The following TNS3 variants were observed in gnomAD, a reference collection of about 807,000 sequenced individuals.
TNS3 encodes tensin 3.
TNS3 carries 45 observed loss-of-function variants against 140.9 expected under a neutral mutation model. The ratio of observed to expected loss-of-function variants is 0.32; its 90% CI spans 0.25 to 0.41. The LOEUF is 0.41. TNS3 is among the 10% of genes least tolerant of loss of function. The pLI is 1.00. For missense variants in TNS3, 1,716 were observed against 1,906.7 expected (o/e 0.90, Z 1.86); for synonymous variants, 815 against 788.4 (o/e 1.03, Z -0.56).
chr7:47,408,236 T>C (rs940863), intron 13 of TNS3, among the ~76,000 whole-genome samples: 150,819 of 152,226 alleles, frequency 0.99, 74,721 homozygotes, highest in Middle Eastern at 1. Context: ...GGCCCCTCTC[T>C]GCCCTGCCCC....
chr7:47,360,713 G>A lies in TNS3; in HGVS notation c.2281+7652C>T, dbSNP rs78131193. On this transcript the variant is annotated intron_variant, in intron 17 of 30. Transcript: ENST00000311160. ...GTCTCTTGCTGACGCCTGAGTCCTT[G>A]GAGGGCTCCAGGAGTGTCTATGCCT... Among the ~76,000 whole-genome samples, 376 of 152,302 alleles carry A rather than the reference G, an allele frequency of 2.5e-3. 4 individuals are homozygous for A. In the East Asian group the frequency reaches 0.034, roughly 14 times the overall value.
At chr7:47,564,376 G>A (rs540529022) in intron 1 of TNS3, among the ~76,000 whole-genome samples, 1 of 151,936 alleles carries the variant, frequency 6.6e-6, no homozygotes, top group Non-Finnish European at 1.5e-5. Flanking sequence ...GGTGACTCAT[G>A]CCTGTAATCC....
chr7:47,559,518 A>G (rs972991733), intron 1 of TNS3, among the ~76,000 whole-genome samples: 1 of 152,136 alleles, frequency 6.6e-6, no homozygotes, highest in Non-Finnish European at 1.5e-5. Context: ...GCGGTGCCTC[A>G]GCCTCGTCAC....
intron 16 of TNS3, among the ~76,000 whole-genome samples, chr7:47,389,925 T>C (rs568810769): frequency 3.3e-4 from 50 of 152,350 alleles, no homozygotes; most frequent in African/African-American, 1.2e-3. Context: ...AGTTGCCTGA[T>C]GACAGCTGCT....
rs1562675131 is a variant in TNS3, at chr7:47,389,073, A to AGG, written c.1024+7726_1024+7727insCC. 1.4e-4 allele frequency among the ~76,000 whole-genome samples: 9 copies of AGG among 62,076 alleles called. 1 individual carries two copies. The highest frequency in any genetic ancestry group is 5.7e-4 in the African/African-American group (8 of 14,016). The allele number at this position is 62,076 out of a possible 152,430, so 40.7% of individuals were successfully genotyped here. A position where few individuals can be genotyped will look rare whatever the true frequency, so the allele number is the denominator to read the frequency against. ...GAAGAAGAAGAAGAAGAAGAAGAAG[A>AGG]AGAAGAAGAAGAGGAAGAGGAAGAG... On this transcript the variant is annotated intron_variant, in intron 16 of 30. Coordinates refer to ENST00000311160, the MANE Select transcript of TNS3 (RefSeq NM_022748.12).
intron 4 of TNS3, among the ~76,000 whole-genome samples, chr7:47,475,099 C>T (rs1797138991): frequency 6.6e-6 from 1 of 151,912 alleles, no homozygotes; most frequent in African/African-American, 2.4e-5. Context: ...CTGCATCACA[C>T]AACACACAAA....
At chr7:47,391,426 A>G (rs987505324) in intron 16 of TNS3, among the ~76,000 whole-genome samples, 1 of 152,224 alleles carries the variant, frequency 6.6e-6, no homozygotes, top group Non-Finnish European at 1.5e-5. Context: ...AATGGTGTGT[A>G]TGATAACAAA....
At chr7:47,514,623 T>C (rs1798719918) in intron 2 of TNS3, among the ~76,000 whole-genome samples, 1 of 152,180 alleles carries the variant, frequency 6.6e-6, no homozygotes, top group Admixed American at 6.5e-5. Flanking sequence ...CCTTTAGGCC[T>C]TCCCTACAGC....
At chr7:47,578,969 GTTT>G (rs879945069) in intron 1 of TNS3, among the ~76,000 whole-genome samples, 52,904 of 151,726 alleles carry the variant, frequency 0.35, 10,072 homozygotes, top group Non-Finnish European at 0.43. Context: ...TTGTCTCAGC[GTTT>G]TAGGAGCAGT....
At chr7:47,582,136 T>A (rs1259156663), upstream of TNS3, 1 of 150,752 alleles carries the variant, frequency 6.6e-6, no homozygotes, top group African/African-American at 2.4e-5. Flanking sequence ...CCCGTCCTCC[T>A]GGCTGGCTGC....
At chr7:47,295,914 G>C (rs1236916447) in intron 24 of TNS3, among the ~76,000 whole-genome samples, 1 of 152,212 alleles carries the variant, frequency 6.6e-6, no homozygotes, top group Non-Finnish European at 1.5e-5. Flanking sequence ...TAGGCACAGA[G>C]CATGAGTGAA....
intron 1 of TNS3, among the ~76,000 whole-genome samples, chr7:47,532,813 C>T (rs1799455348): frequency 6.6e-6 from 1 of 152,030 alleles, no homozygotes; most frequent in Non-Finnish European, 1.5e-5. Flanking sequence ...GATATAATAT[C>T]ACTTGAAGGT....
At chr7:47,294,417 A>G (rs775582927) in intron 24 of TNS3, among the ~76,000 whole-genome samples, 12 of 152,204 alleles carry the variant, frequency 7.9e-5, no homozygotes, top group Non-Finnish European at 7.3e-5. Context: ...CAAAGAGAAA[A>G]CACATCATAA....
At chr7:47,496,291 G>C (rs1798004867) in intron 3 of TNS3, among the ~76,000 whole-genome samples, 1 of 152,172 alleles carries the variant, frequency 6.6e-6, no homozygotes, top group African/African-American at 2.4e-5. Flanking sequence ...TTCTAGAAAG[G>C]GGCCAAGGGC....
rs1315728221 is a variant in TNS3, at chr7:47,345,047, G to A, written c.2452-9C>T. On this transcript the variant is annotated splice_polypyrimidine_tract_variant and intron_variant, in intron 18 of 30. Transcript: ENST00000311160. ...TAGCCAGGGGTCATCGTCTGAAATT[G>A]GCACAGGGAGTAGAATGTGAGAACA... is the stretch of plus-strand genomic sequence containing the variant. The A allele has an allele frequency of 6.2e-7, 1 of 1,608,708 alleles. No individual in the cohort carries two copies. Among genetic ancestry groups the A allele is most frequent in the Admixed American group, 1.7e-5 (1 of 60,008 alleles).
At position 47,300,430 on chromosome 7, in the gene TNS3, T is replaced by C. The variant is rs1038396288; in HGVS notation, c.3544+1756A>G. Among the ~76,000 whole-genome samples, 4 of 152,164 alleles carry C rather than the reference T, an allele frequency of 2.6e-5. No individual in the cohort carries two copies. The South Asian group carries it at 8.3e-4, about 32-fold the overall frequency. On this transcript the variant is annotated intron_variant, in intron 23 of 30. Coordinates refer to ENST00000311160, the MANE Select transcript of TNS3 (RefSeq NM_022748.12). Reference sequence around the variant, plus strand: ...ACATGCCAACAGCAGCCCCTACACATACTGCACATCCACATCCACTTATCC... The same window carrying C: ...ACATGCCAACAGCAGCCCCTACACACACTGCACATCCACATCCACTTATCC...
intron 3 of TNS3, among the ~76,000 whole-genome samples, chr7:47,500,236 G>C (rs925548222): frequency 6.6e-6 from 1 of 151,946 alleles, no homozygotes; most frequent in Non-Finnish European, 1.5e-5. Flanking sequence ...CTCTGTGCAC[G>C]GCCGAGAGCT....
intron 2 of TNS3, among the ~76,000 whole-genome samples, chr7:47,510,336 T>C (rs1798563602): frequency 6.6e-6 from 1 of 152,156 alleles, no homozygotes; most frequent in African/African-American, 2.4e-5. Flanking sequence ...AGACAAAACG[T>C]ATGTGTTCAC....
intron 1 of TNS3, among the ~76,000 whole-genome samples, chr7:47,537,124 C>G (rs527805517): frequency 0.013 from 1,915 of 151,998 alleles, 22 homozygotes; most frequent in Non-Finnish European, 0.021. Flanking sequence ...CCCTGCCGCC[C>G]GCGGGGAGCC....
Sources: allele counts gnomAD v4.1 joint callset (sites outside exome capture counted in the v4.1 genomes callset), GRCh38; gene constraint gnomAD v4.1.1; transcripts MANE v1.5; gene names NCBI Gene and HGNC (gene_info 2026-07-23, HGNC 2026-07-21).